Variants in PIGK observed in about 807,000 individuals in gnomAD.
The protein encoded by PIGK is phosphatidylinositol glycan anchor biosynthesis class K, also known as GPI-anchor transamidase.
In PIGK, 42 loss-of-function variants were observed where a neutral mutation model predicts 50.6. The ratio of observed to expected loss-of-function variants is 0.83; its 90% CI spans 0.65 to 1.07. The LOEUF is 1.07. Among genes scored for constraint, PIGK ranks in the 50% least tolerant of loss-of-function variants. The pLI is 0.00. For missense variants in PIGK, 448 were observed against 488.7 expected, an observed-to-expected ratio of 0.92 and a Z score of 0.78; for synonymous variants, 151 against 156.0, an observed-to-expected ratio of 0.97 and a Z score of 0.24.
intron 10 of PIGK, among the ~76,000 whole-genome samples, chr1:77,105,777 A>C (rs767705596): frequency 2.8e-4 from 43 of 152,294 alleles, no homozygotes; most frequent in African/African-American, 6.7e-4. Flanking sequence ...CTTTCACACT[A>C]TACCAAAAAT....
rs1008748589 is a variant in PIGK, at chr1:77,140,710, C to A, written c.986+13739G>T. 5.3e-5 allele frequency among the ~76,000 whole-genome samples: 8 copies of A among 152,114 alleles called. No homozygotes were observed. The East Asian group carries it at 7.8e-4, about 15-fold the overall frequency. On this transcript the variant is annotated intron_variant, in intron 9 of 10. Transcript: ENST00000370812. ...TAGCAGAAAAACAAAACAAAAAAAA[C>A]CACTACATTTGACACTAAAACCATA... is the stretch of plus-strand genomic sequence containing the variant.
intron 9 of PIGK, among the ~76,000 whole-genome samples, chr1:77,131,258 A>AT (rs1654365591): frequency 6.6e-6 from 1 of 151,760 alleles, no homozygotes; most frequent in African/African-American, 2.4e-5. Flanking sequence ...ATTGATTTCC[A>AT]TGTAATGATC....
At chr1:77,195,393 TA>T in intron 3 of PIGK, 1 of 1,165,876 alleles carries the variant, frequency 8.6e-7, no homozygotes, top group Non-Finnish European at 1.2e-6. Context: ...CGCAGAGTGC[TA>T]AGGAGTGAGA....
chr1:77,116,623 C>T (rs1227452922), intron 10 of PIGK, among the ~76,000 whole-genome samples: 3 of 148,882 alleles, frequency 2.0e-5, no homozygotes, highest in African/African-American at 7.5e-5. Context: ...TGTATGCTTG[C>T]TTAATATAAG....
At chr1:77,150,970 G>T (rs1423608430) in intron 9 of PIGK, among the ~76,000 whole-genome samples, 2 of 151,924 alleles carry the variant, frequency 1.3e-5, no homozygotes, top group Non-Finnish European at 2.9e-5. Context: ...CTGAAGGAGG[G>T]AATACTTCCA....
chr1:77,146,840 G>A (rs916428277), intron 9 of PIGK, among the ~76,000 whole-genome samples: 1 of 151,882 alleles, frequency 6.6e-6, no homozygotes, highest in Non-Finnish European at 1.5e-5. Context: ...ATGGCAGCTT[G>A]AGCTTGTAGT....
intron 3 of PIGK, among the ~76,000 whole-genome samples, chr1:77,182,624 T>C (rs7531788): frequency 0.11 from 17,213 of 152,180 alleles, 1,325 homozygotes; most frequent in African/African-American, 0.21. Flanking sequence ...TTGACTAGTA[T>C]AGATTTTGGT....
intron 9 of PIGK, among the ~76,000 whole-genome samples, chr1:77,143,317 A>G (rs1344300242): frequency 1.3e-5 from 2 of 152,154 alleles, no homozygotes; most frequent in East Asian, 1.9e-4. Context: ...TAAGTATCTG[A>G]TAGATTCATC....
intron 10 of PIGK, among the ~76,000 whole-genome samples, chr1:77,105,561 C>T (rs1653650972): frequency 6.6e-6 from 1 of 151,736 alleles, no homozygotes; most frequent in African/African-American, 2.4e-5. Flanking sequence ...GCAGAAGAAA[C>T]ACAGAGAAAA....
intron 3 of PIGK, among the ~76,000 whole-genome samples, chr1:77,187,952 C>G (rs768224154): frequency 6.6e-6 from 1 of 152,188 alleles, no homozygotes; most frequent in Non-Finnish European, 1.5e-5. Flanking sequence ...ATTTCATGGA[C>G]ACTTATCACT....
chr1:77,173,029 T>C (rs1246292312), intron 3 of PIGK, among the ~76,000 whole-genome samples: 1 of 152,182 alleles, frequency 6.6e-6, no homozygotes, highest in Non-Finnish European at 1.5e-5. Flanking sequence ...TTGGCTAAGT[T>C]AATCAAGGGA....
intron 10 of PIGK, among the ~76,000 whole-genome samples, chr1:77,103,656 A>C (rs1247000764): frequency 6.6e-6 from 1 of 152,234 alleles, no homozygotes; most frequent in Non-Finnish European, 1.5e-5. Context: ...AAGAGACCCA[A>C]ACACAGCCTG....
At chr1:77,193,367 T>C (rs1655956895) in intron 3 of PIGK, among the ~76,000 whole-genome samples, 1 of 152,028 alleles carries the variant, frequency 6.6e-6, no homozygotes, top group Non-Finnish European at 1.5e-5. Flanking sequence ...TATCCACCTT[T>C]GCGTAGAAGT....
chr1:77,164,387 T>A (rs753678719), intron 5 of PIGK, among the ~76,000 whole-genome samples: 13 of 152,210 alleles, frequency 8.5e-5, no homozygotes, highest in Non-Finnish European at 1.5e-4. Flanking sequence ...ATTCAAATGG[T>A]AACTATGCCA....
chr1:77,122,300 AGTT>A lies in PIGK; in HGVS notation c.1043_1045del (p.Gln348del). 6.2e-7 allele frequency: 1 copy of A among 1,601,222 alleles called. No homozygotes were observed. Among genetic ancestry groups the A allele is most frequent in the Middle Eastern group, 1.7e-4 (1 of 6,034 alleles). On this transcript the variant is annotated inframe_deletion, in exon 10 of 11. Coordinates refer to ENST00000370812, the MANE Select transcript of PIGK (RefSeq NM_005482.3). ...CTGGTGTATTATCTGAGCTACAGGA[AGTT>A]GTTCAGCATATTTCAGAGGTTCCAT...
chr1:77,141,531 C>A (rs1250937364), intron 9 of PIGK, among the ~76,000 whole-genome samples: 1 of 152,010 alleles, frequency 6.6e-6, no homozygotes, highest in South Asian at 2.1e-4. Flanking sequence ...AAGTACCAAG[C>A]CTGGAATATC....
Position 77,206,644 on chromosome 1 carries a change from C to G in PIGK, c.235G>C (p.Asp79His). The G allele has an allele frequency of 6.3e-7, 1 of 1,575,288 alleles. No homozygotes were observed. Among genetic ancestry groups the G allele is most frequent in the Non-Finnish European group, 8.7e-7 (1 of 1,145,422 alleles). ...YRSVKRLGIP[D>H]SHIVLMLADD... ...AGCTTTATTAAGGCTTCTTACCTGT[C>G]AGGAATACCTAGCCTCTTGACACTT... Residue 79 changes from aspartate (D) to histidine (H), a missense_variant, in exon 3 of 11, where the codon GAC becomes CAC. Transcript: ENST00000370812.
intron 10 of PIGK, among the ~76,000 whole-genome samples, chr1:77,109,038 A>C (rs1033925040): frequency 1.3e-5 from 2 of 151,930 alleles, no homozygotes; most frequent in Non-Finnish European, 2.9e-5. Flanking sequence ...CAACACATAC[A>C]CCCTCCCAAG....
chr1:77,109,066 T>C (rs77560273), intron 10 of PIGK, among the ~76,000 whole-genome samples: 9,228 of 152,200 alleles, frequency 0.061, 401 homozygotes, highest in Non-Finnish European at 0.093. Flanking sequence ...CAGGAAGAAG[T>C]TGAATCTCTG....
Sources: allele counts gnomAD v4.1 joint callset (sites outside exome capture counted in the v4.1 genomes callset), GRCh38; gene constraint gnomAD v4.1.1; transcripts MANE v1.5; gene names NCBI Gene and HGNC (gene_info 2026-07-23, HGNC 2026-07-21).